Variants in SAMD3 observed in about 807,000 individuals in gnomAD.
The protein encoded by SAMD3 is sterile alpha motif domain-containing protein 3.
SAMD3 carries 63 observed loss-of-function variants against 58.5 expected under a neutral mutation model. That is an observed-to-expected ratio of 1.08 (90% CI 0.88 to 1.33). The LOEUF is 1.33. Ranked by LOEUF, SAMD3 falls within the 40% of genes most tolerant of loss-of-function variation. The pLI is 0.00. For synonymous variants in SAMD3, 220 were observed against 210.3 expected (o/e 1.05, Z -0.40); for missense variants, 604 against 608.4 (o/e 0.99, Z 0.08).
chr6:130,202,924 A>C (rs1234961733), intron 5 of SAMD3, among the ~76,000 whole-genome samples: 1 of 152,034 alleles, frequency 6.6e-6, no homozygotes, highest in Non-Finnish European at 1.5e-5. Flanking sequence ...CCTCCCCCGC[A>C]GTGGTGACTG....
chr6:130,339,208 G>A (rs996087350), intron 1 of SAMD3, among the ~76,000 whole-genome samples: 11 of 151,962 alleles, frequency 7.2e-5, no homozygotes, highest in African/African-American at 2.4e-4. Flanking sequence ...CACCACGCCC[G>A]GCTAATTTTT....
chr6:130,209,423 T>G (rs1795347710), intron 5 of SAMD3, 72 bp downstream of exon 5: 1 of 786,990 alleles, frequency 1.3e-6, no homozygotes, highest in Admixed American at 2.6e-5. Context: ...TCTAAACATA[T>G]GAAACCTTAT....
At chr6:130,303,879 A>ATTT (rs2114978194) in intron 2 of SAMD3, among the ~76,000 whole-genome samples, 1 of 152,278 alleles carries the variant, frequency 6.6e-6, no homozygotes, top group Non-Finnish European at 1.5e-5. Flanking sequence ...GTGTGTTGCA[A>ATTT]GTCTATCTTC....
In SAMD3 at chr6:130,353,270, T is replaced by C. The variant is rs115708623; in HGVS notation, c.-304+11850A>G. Among the ~76,000 whole-genome samples the C allele has an allele frequency of 3.9e-3, 595 of 152,298 alleles. 2 individuals are homozygous for C. Among genetic ancestry groups the C allele is most frequent in the African/African-American group, 0.013 (541 of 41,570 alleles). ...TTTGGAGTTGTTTAATATGTTTGCA[T>C]TACCATAAATAAAACTGATACTTTG... On this transcript the variant is annotated intron_variant, in intron 1 of 13. Coordinates refer to the SAMD3 transcript ENST00000368134.
Position 130,362,721 on chromosome 6 carries a change from T to G in SAMD3, c.-304+2399A>C, listed in dbSNP as rs137994425. Among the ~76,000 whole-genome samples the G allele has an allele frequency of 3.5e-3, 537 of 152,344 alleles. 5 individuals carry two copies. Among genetic ancestry groups the G allele is most frequent in the African/African-American group, 0.012 (517 of 41,572 alleles). On this transcript the variant is annotated intron_variant, in intron 1 of 13. Transcript: ENST00000368134. ...ATGATTCTGTATCTAATACAGAATT[T>G]ATAAATATTTAAGTAGTCGTATCAG...
At chr6:130,191,948 G>A (rs1793588699) in intron 5 of SAMD3, among the ~76,000 whole-genome samples, 1 of 152,228 alleles carries the variant, frequency 6.6e-6, no homozygotes, top group Non-Finnish European at 1.5e-5. Flanking sequence ...TGTGTTAGCA[G>A]TTTCTTCGCT....
chr6:130,235,693 A>C (rs1209687202), intron 2 of SAMD3, among the ~76,000 whole-genome samples: 1 of 152,208 alleles, frequency 6.6e-6, no homozygotes, highest in Non-Finnish European at 1.5e-5. Context: ...TAATAGAGTA[A>C]TTGCTTCTCA....
chr6:130,338,640 C>T (rs1473601516), intron 1 of SAMD3, among the ~76,000 whole-genome samples: 2 of 152,218 alleles, frequency 1.3e-5, no homozygotes, highest in Non-Finnish European at 2.9e-5. Flanking sequence ...ATCAGTGTGC[C>T]TTGGATGTAA....
chr6:130,196,163 A>G (rs1794092710), intron 5 of SAMD3, among the ~76,000 whole-genome samples: 1 of 152,200 alleles, frequency 6.6e-6, no homozygotes, highest in African/African-American at 2.4e-5. Flanking sequence ...GCTGACCATC[A>G]TGTCTCCGTG....
At chr6:130,285,577 G>A (rs1344674552) in intron 2 of SAMD3, among the ~76,000 whole-genome samples, 1 of 152,164 alleles carries the variant, frequency 6.6e-6, no homozygotes, top group Admixed American at 6.5e-5. Flanking sequence ...AAGGGTGGAG[G>A]ATGAGGAGAG....
chr6:130,182,827 G>A (rs1792498394), intron 7 of SAMD3, among the ~76,000 whole-genome samples: 1 of 152,168 alleles, frequency 6.6e-6, no homozygotes, highest in Non-Finnish European at 1.5e-5. Context: ...AGACATCTGA[G>A]ACAGTAAAGC....
rs186710742 is a variant in SAMD3, at chr6:130,243,446, A to T, written c.-187-20633T>A. On this transcript the variant is annotated intron_variant, in intron 2 of 13. Coordinates refer to the SAMD3 transcript ENST00000368134. Reference sequence around the variant, plus strand: ...AATACAAGACAGAGGGGAAGAGAGAATTGGAACTGACATCTAAAGTACCAG... The same window carrying T: ...AATACAAGACAGAGGGGAAGAGAGATTTGGAACTGACATCTAAAGTACCAG... Among the ~76,000 whole-genome samples the T allele has an allele frequency of 6.6e-4, 100 of 152,286 alleles. 1 individual carries two copies. The highest frequency in any genetic ancestry group is 2.4e-3 in the African/African-American group (98 of 41,552).
intron 8 of SAMD3, among the ~76,000 whole-genome samples, chr6:130,172,622 T>G (rs188465979): frequency 3.3e-5 from 5 of 152,232 alleles, no homozygotes; most frequent in Non-Finnish European, 7.3e-5. Flanking sequence ...GGCCTTTCTC[T>G]CTGGCTGCCC....
intron 2 of SAMD3, among the ~76,000 whole-genome samples, chr6:130,308,018 G>A (rs62433915): frequency 0.17 from 25,670 of 152,090 alleles, 2,426 homozygotes; most frequent in East Asian, 0.36. Context: ...TTAAACTTAA[G>A]TTTTTAAAGA....
At chr6:130,300,993 C>T (rs564394798) in intron 2 of SAMD3, among the ~76,000 whole-genome samples, 13 of 152,198 alleles carry the variant, frequency 8.5e-5, no homozygotes, top group East Asian at 3.9e-4. Flanking sequence ...CAACCAGCCC[C>T]GGTGTCTGAT....
intron 2 of SAMD3, among the ~76,000 whole-genome samples, chr6:130,251,602 G>A (rs912437732): frequency 6.6e-6 from 1 of 152,100 alleles, no homozygotes; most frequent in East Asian, 1.9e-4. Context: ...TTGGATGTTG[G>A]TCCAGCACAA....
upstream of SAMD3, chr6:130,365,751 C>T (rs1778119959): frequency 8.1e-6 from 8 of 985,558 alleles, no homozygotes; most frequent in Non-Finnish European, 8.4e-6. Context: ...TGGGTTTTGT[C>T]TGCGGGTGAT....
intron 5 of SAMD3, among the ~76,000 whole-genome samples, chr6:130,205,035 T>C (rs935540215): frequency 6.6e-6 from 1 of 151,810 alleles, no homozygotes; most frequent in Non-Finnish European, 1.5e-5. Flanking sequence ...TGGCACTTGT[T>C]CCCCACCTCT....
intron 1 of SAMD3, among the ~76,000 whole-genome samples, chr6:130,327,375 A>T (rs1776791662): frequency 6.6e-6 from 1 of 152,326 alleles, no homozygotes; most frequent in African/African-American, 2.4e-5. Flanking sequence ...ATCATTAAAT[A>T]TCAAATTTAT....
Sources: gnomAD v4.1 joint callset for allele counts (sites outside exome capture counted in the v4.1 genomes callset) on GRCh38, gnomAD v4.1.1 for gene constraint, MANE v1.5 for transcripts, NCBI Gene and HGNC (gene_info 2026-07-23, HGNC 2026-07-21) for gene names.